Variants in ROBO2 observed in about 807,000 individuals in gnomAD.
The protein encoded by ROBO2 is roundabout homolog 2.
In ROBO2, 53 loss-of-function variants were observed where a neutral mutation model predicts 160.8. The ratio of observed to expected loss-of-function variants is 0.33; its 90% CI spans 0.26 to 0.41. ROBO2 has a LOEUF of 0.41. Among genes scored for constraint, ROBO2 ranks in the 10% least tolerant of loss-of-function variants. ROBO2 has a pLI of 1.00. For synonymous variants in ROBO2, 664 were observed against 611.7 expected, an observed-to-expected ratio of 1.09 and a Z score of -1.26; for missense variants, 1,577 against 1,722.4, an observed-to-expected ratio of 0.92 and a Z score of 1.49.
chr3:76,123,111 C>A (rs918067052), intron 2 of ROBO2, among the ~76,000 whole-genome samples: 2 of 152,108 alleles, frequency 1.3e-5, no homozygotes, highest in African/African-American at 4.8e-5. Context: ...TCTCTCTCAA[C>A]TGGTTTGCCA....
At chr3:76,185,550 C>G (rs1459558661) in intron 2 of ROBO2, among the ~76,000 whole-genome samples, 1 of 151,812 alleles carries the variant, frequency 6.6e-6, no homozygotes, top group Non-Finnish European at 1.5e-5. Context: ...GAGAACAGGA[C>G]CCAGGTGGCA....
Position 76,192,524 on chromosome 3 carries a change from C to CCACACACA in ROBO2, c.109+254962_109+254969dup, listed in dbSNP as rs3039244. On this transcript the variant is annotated intron_variant, in intron 2 of 26. Coordinates refer to the ROBO2 transcript ENST00000487694. ...TCTAAACTTTGCGTCCAACACTCCA[C>CCACACACA]CACACACACACACACACACACACAC... is the stretch of plus-strand genomic sequence containing the variant. Among the ~76,000 whole-genome samples, 182 of 130,152 alleles carry CCACACACA rather than the reference C, an allele frequency of 1.4e-3. 2 individuals are homozygous for CCACACACA. Among genetic ancestry groups the CCACACACA allele is most frequent in the African/African-American group, 2.1e-3 (75 of 35,022 alleles). 85.4% of individuals were successfully genotyped at this position (130,152 alleles called of 152,430 possible). A position where few individuals can be genotyped will look rare whatever the true frequency, so the allele number is the denominator to read the frequency against.
chr3:76,833,479 A>T (rs1329809386), intron 2 of ROBO2, among the ~76,000 whole-genome samples: 2 of 152,212 alleles, frequency 1.3e-5, no homozygotes, highest in Non-Finnish European at 2.9e-5. Flanking sequence ...TATTTAGAAG[A>T]CAAAACGATA....
intron 2 of ROBO2, among the ~76,000 whole-genome samples, chr3:76,764,876 G>C (rs1015624560): frequency 6.6e-6 from 1 of 151,616 alleles, no homozygotes; most frequent in African/African-American, 2.4e-5. Context: ...TGCCTTTCTT[G>C]ATAGACTTGC....
At chr3:77,042,864 C>G (rs1024161256) in intron 1 of ROBO2, among the ~76,000 whole-genome samples, 2 of 152,114 alleles carry the variant, frequency 1.3e-5, no homozygotes, top group Admixed American at 1.3e-4. Context: ...AATTATGCAG[C>G]AGAACTCATA....
intron 2 of ROBO2, among the ~76,000 whole-genome samples, chr3:77,379,272 G>A (rs778699355): frequency 6.6e-6 from 1 of 152,102 alleles, no homozygotes; most frequent in Non-Finnish European, 1.5e-5. Context: ...ACATAACTTA[G>A]TTAAGGTACT....
chr3:77,493,893 A>C (rs1176027112), intron 5 of ROBO2, among the ~76,000 whole-genome samples: 1 of 152,078 alleles, frequency 6.6e-6, no homozygotes, highest in African/African-American at 2.4e-5. Flanking sequence ...CACATAGGGG[A>C]TTTCCAACAC....
intron 2 of ROBO2, among the ~76,000 whole-genome samples, chr3:76,926,331 A>G (rs557039093): frequency 2.8e-4 from 43 of 152,336 alleles, no homozygotes; most frequent in African/African-American, 1.0e-3. Flanking sequence ...GAATCAGAGA[A>G]AACCGATTCC....
intron 2 of ROBO2, among the ~76,000 whole-genome samples, chr3:76,014,795 G>T (rs2066357597): frequency 6.6e-6 from 1 of 152,206 alleles, no homozygotes; most frequent in African/African-American, 2.4e-5. Flanking sequence ...GGGTGCAGTG[G>T]CACGTGCGTG....
At chr3:76,229,228 A>G (rs1704474213) in intron 2 of ROBO2, among the ~76,000 whole-genome samples, 1 of 152,154 alleles carries the variant, frequency 6.6e-6, no homozygotes, top group Non-Finnish European at 1.5e-5. Context: ...TTGTATCTTT[A>G]TCTCAGTGTT....
At chr3:77,213,436 A>AT (rs1258718058) in intron 2 of ROBO2, among the ~76,000 whole-genome samples, 1 of 151,974 alleles carries the variant, frequency 6.6e-6, no homozygotes. Context: ...CCCCTTTATC[A>AT]TTTTTTATTG....
At position 77,401,264 on chromosome 3, in the gene ROBO2, A is replaced by T. The variant is rs200449634; in HGVS notation, c.389-76150A>T. ...TACTACTGCAGAGTTGTTTGTATTT[A>T]AAAAAAAAAAAACTCAAAGAGGGGA... On this transcript the variant is annotated intron_variant, in intron 2 of 25. Coordinates refer to ENST00000461745, the Ensembl canonical transcript of ROBO2. Among the ~76,000 whole-genome samples the T allele has an allele frequency of 1.2e-3, 22 of 17,722 alleles. No individual in the cohort carries two copies. The South Asian group carries it at 0.014, about 11-fold the overall frequency. The allele number at this position is 17,722 out of a possible 152,430, so 11.6% of individuals were successfully genotyped here. A position where few individuals can be genotyped will look rare whatever the true frequency, so the allele number is the denominator to read the frequency against.
chr3:76,639,326 A>G (rs1413134879), intron 2 of ROBO2, among the ~76,000 whole-genome samples: 1 of 131,306 alleles, frequency 7.6e-6, no homozygotes, highest in Non-Finnish European at 1.5e-5. Flanking sequence ...ATGGACATGT[A>G]TATATGTGTG....
intron 2 of ROBO2, among the ~76,000 whole-genome samples, chr3:77,475,469 T>C (rs2083889142): frequency 6.6e-6 from 1 of 152,204 alleles, no homozygotes; most frequent in Non-Finnish European, 1.5e-5. Context: ...GTTGTATTTC[T>C]GAATGATTTG....
At chr3:76,300,350 TC>T (rs1270625907) in intron 2 of ROBO2, among the ~76,000 whole-genome samples, 2 of 152,058 alleles carry the variant, frequency 1.3e-5, no homozygotes, top group African/African-American at 4.8e-5. Context: ...AAAATTACAT[TC>T]TTTTTTTTAT....
intron 2 of ROBO2, among the ~76,000 whole-genome samples, chr3:76,221,740 T>C (rs879491234): frequency 8.5e-5 from 13 of 152,306 alleles, no homozygotes; most frequent in Admixed American, 8.5e-4. Context: ...TTCATGACCA[T>C]GAGCCCATTG....
intron 2 of ROBO2, among the ~76,000 whole-genome samples, chr3:76,334,542 A>G (rs2073733278): frequency 1.3e-5 from 2 of 152,194 alleles, no homozygotes; most frequent in South Asian, 2.1e-4. Flanking sequence ...CTAGTGATCT[A>G]CAAGCAGCTT....
At chr3:75,948,677 T>C (rs17785702) in intron 2 of ROBO2, among the ~76,000 whole-genome samples, 4,727 of 152,188 alleles carry the variant, frequency 0.031, 105 homozygotes, top group Non-Finnish European at 0.051. Context: ...ATCGCTAGAA[T>C]GTGGCCTTTC....
At chr3:76,119,738 A>G (rs972221959) in intron 2 of ROBO2, among the ~76,000 whole-genome samples, 5 of 152,134 alleles carry the variant, frequency 3.3e-5, no homozygotes, top group Admixed American at 3.3e-4. Flanking sequence ...ACTTTATTTT[A>G]CGCACATACA....
Sources: gnomAD v4.1 joint callset for allele counts (sites outside exome capture counted in the v4.1 genomes callset) on GRCh38, gnomAD v4.1.1 for gene constraint, MANE v1.5 for transcripts, NCBI Gene and HGNC (gene_info 2026-07-23, HGNC 2026-07-21) for gene names.